PCDHGA11: variants seen among roughly 807,000 people sequenced by gnomAD.
PCDHGA11 encodes protocadherin gamma subfamily A, 11, also known as protocadherin gamma-A11.
Under a neutral mutation model 60.4 loss-of-function variants are expected in PCDHGA11, and 39 were observed. The observed-to-expected ratio is 0.65, with a 90% CI of 0.50 to 0.84. The LOEUF is 0.84. Among genes scored for constraint, PCDHGA11 ranks in the 40% least tolerant of loss-of-function variants. The pLI is 0.00. For missense variants in PCDHGA11, 1,165 were observed against 1,197.7 expected (o/e 0.97, Z 0.40); for synonymous variants, 533 against 510.3 (o/e 1.04, Z -0.60).
chr5:141,456,942 A>C (rs11737987), intron 1 of PCDHGA11, among the ~76,000 whole-genome samples: 42,405 of 152,066 alleles, frequency 0.28, 6,638 homozygotes, highest in African/African-American at 0.43. Flanking sequence ...CAGCCTGGGC[A>C]ACAGAGCAAA....
intron 2 of PCDHGA11, among the ~76,000 whole-genome samples, chr5:141,497,603 G>A (rs1045138662): frequency 3.3e-5 from 5 of 149,832 alleles, no homozygotes; most frequent in Non-Finnish European, 7.4e-5. Context: ...GCAGTGGTGC[G>A]ATCTTGGCTC....
intron 1 of PCDHGA11, among the ~76,000 whole-genome samples, chr5:141,450,223 G>A (rs1458841129): frequency 2.0e-5 from 3 of 151,818 alleles, no homozygotes; most frequent in Non-Finnish European, 4.4e-5. Context: ...TCACTATGTT[G>A]GCCAGGCTAG....
intron 3 of PCDHGA11, among the ~76,000 whole-genome samples, chr5:141,506,444 CAAAAAAAAAA>C (rs1219684339): frequency 8.4e-5 from 8 of 95,030 alleles, no homozygotes; most frequent in Non-Finnish European, 1.3e-4. Context: ...CGCTCTGTCT[CAAAAAAAAAA>C]AAAAAAAAAA....
At chr5:141,484,958 G>T in intron 1 of PCDHGA11, 1 of 575,874 alleles carries the variant, frequency 1.7e-6, no homozygotes. Flanking sequence ...TATTGGCTGA[G>T]CCCGGGAGCC....
At chr5:141,429,408 T>A (rs2097213256) in intron 1 of PCDHGA11, among the ~76,000 whole-genome samples, 1 of 151,838 alleles carries the variant, frequency 6.6e-6, no homozygotes, top group Non-Finnish European at 1.5e-5. Flanking sequence ...GAGATTAAGG[T>A]CTCATTATGT....
intron 1 of PCDHGA11, among the ~76,000 whole-genome samples, chr5:141,451,134 T>C (rs567790185): frequency 9.9e-5 from 15 of 152,254 alleles, no homozygotes; most frequent in African/African-American, 3.6e-4. Context: ...AGCCTTATGA[T>C]TGTATTTAGA....
In PCDHGA11 at chr5:141,423,647, C is replaced by T. The variant is rs775169904; in HGVS notation, c.2420C>T (p.Pro807Leu). 1.9e-6 allele frequency: 3 copies of T among 1,589,144 alleles called. No individual in the cohort carries two copies. The highest frequency in any genetic ancestry group is 2.6e-6 in the Non-Finnish European group (3 of 1,169,468). The change falls in exon 1 of 4, where the codon CCG (proline) becomes CTG (leucine). Residue 807 changes from proline (P) to leucine (L), a missense_variant. Physicochemically the swap from Pro to Leu is moderately conservative, Grantham distance 98 (BLOSUM62 -3). Coordinates refer to ENST00000398587, the MANE Select transcript of PCDHGA11 (RefSeq NM_018914.3). ...DSAIILGKCD[P>L]TSNQQAPPNT... ...GCTATCATTTTAGGCAAATGTGACCCGACAAGTAATCAGGTGAGATTTATT... is the reference window on the plus strand; with the variant it reads ...GCTATCATTTTAGGCAAATGTGACCTGACAAGTAATCAGGTGAGATTTATT...
intron 1 of PCDHGA11, among the ~76,000 whole-genome samples, chr5:141,463,948 C>A (rs1397198849): frequency 6.6e-6 from 1 of 151,846 alleles, no homozygotes; most frequent in Non-Finnish European, 1.5e-5. Context: ...TAGAAATCTT[C>A]ATTTTTAAAA....
At chr5:141,464,156 T>C (rs2099077051) in intron 1 of PCDHGA11, among the ~76,000 whole-genome samples, 2 of 151,752 alleles carry the variant, frequency 1.3e-5, no homozygotes, top group Non-Finnish European at 1.5e-5. Context: ...TCCCAGCTAC[T>C]TGGAAGGCTG....
rs1410729947 is a variant in PCDHGA11 at position 141,493,256 on chromosome 5, T to TA, written c.2434-1550dup. 3.3e-5 allele frequency among the ~76,000 whole-genome samples: 5 copies of TA among 152,306 alleles called. No homozygotes were observed. The highest frequency in any genetic ancestry group is 1.2e-4 in the African/African-American group (5 of 41,570). ...TGGCTAGGTACTAACATGCCTCTCT[T>TA]ATAACAGCTTCACAGAGGTCAAGTG... On this transcript the variant is annotated intron_variant, in intron 1 of 3. Transcript: ENST00000398587. This position sits in a 1 kb window ranked among gnomAD's most constrained non-coding sequence, Gnocchi z 4.3.
Position 141,490,270 on chromosome 5 carries a change from A to G in PCDHGA11, c.2434-4537A>G. On this transcript the variant is annotated intron_variant, in intron 1 of 3. Coordinates refer to ENST00000398587, the MANE Select transcript of PCDHGA11 (RefSeq NM_018914.3). The surrounding 1 kb of genome is among the most constrained non-coding windows in gnomAD (Gnocchi z 5.4). The stretch of plus-strand genomic sequence containing the variant: ...GATTCAAGTGGATGTGGGGGATGTC[A>G]ATGACAATGCCCCAGAGGTGCTATT... The G allele has an allele frequency of 6.2e-7, 1 of 1,614,226 alleles. No individual in the cohort carries two copies. Among genetic ancestry groups the G allele is most frequent in the African/African-American group, 1.3e-5 (1 of 75,060 alleles).
chr5:141,477,010 C>G lies in PCDHGA11; in HGVS notation c.2434-17797C>G. On this transcript the variant is annotated intron_variant, in intron 1 of 3. Coordinates refer to ENST00000398587, the MANE Select transcript of PCDHGA11 (RefSeq NM_018914.3). This position sits in a 1 kb window ranked among gnomAD's most constrained non-coding sequence, Gnocchi z 4.9. ...GCGTGCGGCAACTATTCGCCTTAGA[C>G]CTTGTAACCGGGATGCTGACAATCA... 4 of 1,614,260 alleles carry G rather than the reference C, an allele frequency of 2.5e-6. No homozygotes were observed. Among genetic ancestry groups the G allele is most frequent in the Non-Finnish European group, 2.5e-6 (3 of 1,180,052 alleles).
chr5:141,450,280 T>C (rs1374970772), intron 1 of PCDHGA11, among the ~76,000 whole-genome samples: 2 of 152,166 alleles, frequency 1.3e-5, no homozygotes, highest in African/African-American at 4.8e-5. Context: ...AGCTAAGTGC[T>C]GGGATTACAG....
chr5:141,502,282 C>A (rs187281689), intron 2 of PCDHGA11, among the ~76,000 whole-genome samples: 1 of 151,848 alleles, frequency 6.6e-6, no homozygotes, highest in Non-Finnish European at 1.5e-5. Flanking sequence ...GCATAGATTG[C>A]ATTTGGTTGT....
At chr5:141,498,457 G>A (rs1028236637) in intron 2 of PCDHGA11, among the ~76,000 whole-genome samples, 8 of 152,126 alleles carry the variant, frequency 5.3e-5, no homozygotes, top group African/African-American at 1.9e-4. Flanking sequence ...CTTTTATCCA[G>A]TCTAACCCTG....
At chr5:141,426,896 C>A in intron 1 of PCDHGA11, 1 of 456,782 alleles carries the variant, frequency 2.2e-6, no homozygotes, top group Non-Finnish European at 4.4e-6. Context: ...AGCAACAGAG[C>A]TCTCATCTCC....
chr5:141,437,800 C>G (rs963856257), intron 1 of PCDHGA11, among the ~76,000 whole-genome samples: 1 of 150,744 alleles, frequency 6.6e-6, no homozygotes, highest in African/African-American at 2.4e-5. Flanking sequence ...TGCAGTGGCA[C>G]TATCTTGGCT....
Position 141,486,494 on chromosome 5 carries a change from A to G in PCDHGA11, c.2434-8313A>G, listed in dbSNP as rs375607204. 9.3e-6 allele frequency: 15 copies of G among 1,614,058 alleles called. No individual in the cohort carries two copies. The highest frequency in any genetic ancestry group is 1.3e-5 in the Non-Finnish European group (15 of 1,179,958). ...CCCTCCTCTCAGTACCCACAGAACT[A>G]TTTTCCTCAATATTTCAGATGTGAA... On this transcript the variant is annotated intron_variant, in intron 1 of 3. Transcript: ENST00000398587. The surrounding 1 kb of genome is among the most constrained non-coding windows in gnomAD (Gnocchi z 5.0).
intron 1 of PCDHGA11, among the ~76,000 whole-genome samples, chr5:141,463,095 G>C (rs1299676667): frequency 6.6e-6 from 1 of 152,098 alleles, no homozygotes; most frequent in African/African-American, 2.4e-5. Context: ...AGCCCTATGT[G>C]ACCATCAAGA....
Sources: gnomAD v4.1 joint callset for allele counts (sites outside exome capture counted in the v4.1 genomes callset) on GRCh38, gnomAD v4.1.1 for gene constraint, Gnocchi (gnomAD v3.1) non-coding constraint, MANE v1.5 for transcripts, NCBI Gene and HGNC (gene_info 2026-07-23, HGNC 2026-07-21) for gene names.